GNA14: variants seen among roughly 807,000 people sequenced by gnomAD.
GNA14 encodes guanine nucleotide-binding protein subunit alpha-14.
GNA14 carries 50 observed loss-of-function variants against 42.0 expected under a neutral mutation model. The ratio of observed to expected loss-of-function variants is 1.19; its 90% CI spans 0.95 to 1.51. GNA14 has a LOEUF of 1.51. Among genes scored for constraint, GNA14 ranks in the 40% most tolerant of loss-of-function variants. The pLI is 0.00. For synonymous variants in GNA14, 173 were observed against 163.1 expected, an observed-to-expected ratio of 1.06 and a Z score of -0.46; for missense variants, 473 against 446.2, an observed-to-expected ratio of 1.06 and a Z score of -0.54.
chr9:77,426,555 C>T (rs1242339151), intron 5 of GNA14, among the ~76,000 whole-genome samples: 4 of 152,302 alleles, frequency 2.6e-5, no homozygotes, highest in African/African-American at 7.2e-5. Flanking sequence ...CCGCCCGCCT[C>T]GGCCTCCCAA....
intron 1 of GNA14, among the ~76,000 whole-genome samples, chr9:77,591,958 A>G (rs1823397636): frequency 7.0e-6 from 1 of 142,070 alleles, no homozygotes; most frequent in South Asian, 2.2e-4. Flanking sequence ...TCTGTCACCT[A>G]GGCTGGAGTG....
At chr9:77,546,739 G>C (rs1481518024) in intron 1 of GNA14, among the ~76,000 whole-genome samples, 1 of 152,112 alleles carries the variant, frequency 6.6e-6, no homozygotes, top group Non-Finnish European at 1.5e-5. Flanking sequence ...TAATTTCCAA[G>C]GGGCAACCTA....
chr9:77,618,134 T>C lies in GNA14; in HGVS notation c.124+29536A>G, dbSNP rs183039897. 2.1e-3 allele frequency among the ~76,000 whole-genome samples: 322 copies of C among 152,210 alleles called. 2 individuals carry two copies. The highest frequency in any genetic ancestry group is 4.1e-3 in the Admixed American group (62 of 15,284). On this transcript the variant is annotated intron_variant, in intron 1 of 6. Transcript: ENST00000341700. ...AGCTCTCAGATATTTGAAGGACTAA[T>C]TGATTTAAAAAACAACAACAACAAC...
chr9:77,495,887 T>C (rs906049798), intron 2 of GNA14, among the ~76,000 whole-genome samples: 2 of 152,206 alleles, frequency 1.3e-5, no homozygotes, highest in African/African-American at 4.8e-5. Flanking sequence ...CTTGCTCTAT[T>C]AAACAAGTAA....
chr9:77,462,384 C>G (rs1041823549), intron 2 of GNA14, among the ~76,000 whole-genome samples: 7 of 152,172 alleles, frequency 4.6e-5, no homozygotes, highest in African/African-American at 1.7e-4. Flanking sequence ...GTATGCTCCC[C>G]CTTTCCTGGT....
At chr9:77,600,131 T>C (rs1823533734) in intron 1 of GNA14, among the ~76,000 whole-genome samples, 1 of 152,230 alleles carries the variant, frequency 6.6e-6, no homozygotes, top group Non-Finnish European at 1.5e-5. Context: ...ACAGCATGAA[T>C]GTCCTTGTTT....
intron 2 of GNA14, among the ~76,000 whole-genome samples, chr9:77,476,380 C>A (rs868460608): frequency 6.6e-6 from 1 of 152,150 alleles, no homozygotes; most frequent in African/African-American, 2.4e-5. Flanking sequence ...ATCTTCATCT[C>A]TGGGGAGGCC....
chr9:77,525,303 C>T (rs764283147), intron 2 of GNA14, among the ~76,000 whole-genome samples: 17 of 152,152 alleles, frequency 1.1e-4, no homozygotes, highest in Non-Finnish European at 1.3e-4. Context: ...GAACCATGAG[C>T]AAAGCCCAGA....
intron 2 of GNA14, among the ~76,000 whole-genome samples, chr9:77,496,449 C>T (rs1406396960): frequency 2.0e-5 from 3 of 152,168 alleles, no homozygotes; most frequent in African/African-American, 7.2e-5. Flanking sequence ...TTAAGGACAG[C>T]ATAAACTCCT....
chr9:77,475,827 C>A (rs565115794), intron 2 of GNA14, among the ~76,000 whole-genome samples: 1 of 152,138 alleles, frequency 6.6e-6, no homozygotes, highest in African/African-American at 2.4e-5. Context: ...AGGAGACCTA[C>A]GTGGGCTCTA....
chr9:77,443,919 C>CT (rs1197806693), intron 2 of GNA14, among the ~76,000 whole-genome samples: 2 of 152,122 alleles, frequency 1.3e-5, no homozygotes, highest in Admixed American at 6.5e-5. Flanking sequence ...GTGTTGGAGG[C>CT]TAGAGTAAGC....
chr9:77,506,531 G>T (rs1219632946), intron 2 of GNA14, among the ~76,000 whole-genome samples: 1 of 151,996 alleles, frequency 6.6e-6, no homozygotes, highest in Non-Finnish European at 1.5e-5. Flanking sequence ...ACAAAAATTA[G>T]CTGGGCTTGG....
chr9:77,423,731 A>G lies in GNA14; in HGVS notation c.*248T>C, dbSNP rs1481450107. 7.4e-6 allele frequency: 2 copies of G among 269,000 alleles called. No individual in the cohort carries two copies. The highest frequency in any genetic ancestry group is 2.2e-5 in the African/African-American group (1 of 45,604). The allele number at this position is 269,000 out of a possible 1,614,324, so 16.7% of individuals were successfully genotyped here. ...AGAAAACACCAAATTCAAAAATTAC[A>G]CAAAATCTTATAGCCAAAAGTCAAG... On this transcript the variant is annotated 3_prime_UTR_variant, in exon 7 of 7. Coordinates refer to ENST00000341700, the MANE Select transcript of GNA14 (RefSeq NM_004297.4).
intron 1 of GNA14, among the ~76,000 whole-genome samples, chr9:77,586,446 T>A (rs984424167): frequency 3.9e-5 from 6 of 152,104 alleles, no homozygotes; most frequent in Admixed American, 1.3e-4. Flanking sequence ...CAGAGTGAGG[T>A]GCTACTTCAC....
intron 1 of GNA14, among the ~76,000 whole-genome samples, chr9:77,637,747 G>A (rs553566150): frequency 2.2e-4 from 33 of 152,224 alleles, no homozygotes; most frequent in South Asian, 2.1e-3. Context: ...CCAGCTACTC[G>A]GCAGGCTGAG....
At chr9:77,482,189 A>G (rs546073712) in intron 2 of GNA14, among the ~76,000 whole-genome samples, 175 of 152,172 alleles carry the variant, frequency 1.2e-3, no homozygotes, top group African/African-American at 3.8e-3. Flanking sequence ...GGCTGGTACC[A>G]GTTGTTCCTT....
At chr9:77,517,167 T>C (rs1249561393) in intron 2 of GNA14, among the ~76,000 whole-genome samples, 1 of 152,230 alleles carries the variant, frequency 6.6e-6, no homozygotes, top group Non-Finnish European at 1.5e-5. Context: ...CTTCCTCATC[T>C]TCCTGCCCTT....
intron 1 of GNA14, among the ~76,000 whole-genome samples, chr9:77,568,929 T>A (rs1452068352): frequency 6.6e-6 from 1 of 152,188 alleles, no homozygotes; most frequent in African/African-American, 2.4e-5. Context: ...AAAGAGACTG[T>A]CATGCCACGT....
intron 2 of GNA14, among the ~76,000 whole-genome samples, chr9:77,484,332 A>C (rs1221324653): frequency 6.6e-6 from 1 of 152,220 alleles, no homozygotes. Context: ...ACTAATGGGC[A>C]CATAAAACAA....
Sources: allele counts gnomAD v4.1 joint callset (sites outside exome capture counted in the v4.1 genomes callset), GRCh38; gene constraint gnomAD v4.1.1; transcripts MANE v1.5; gene names NCBI Gene and HGNC (gene_info 2026-07-23, HGNC 2026-07-21).